Variants in PCNX2 observed in about 807,000 individuals in gnomAD.
PCNX2 encodes the protein pecanex-like protein 2.
Under a neutral mutation model 223.8 loss-of-function variants are expected in PCNX2, and 168 were observed. That is an observed-to-expected ratio of 0.75 (90% CI 0.66 to 0.85). The LOEUF (loss-of-function observed/expected upper bound fraction) is 0.85, where lower values mean the gene tolerates loss of function less well. Ranked by LOEUF, PCNX2 falls within the 40% of genes least tolerant of loss-of-function variation. PCNX2 has a pLI of 0.00. For missense variants in PCNX2, 2,507 were observed against 2,675.5 expected (o/e 0.94, Z 1.39); for synonymous variants, 1,006 against 1,052.6 (o/e 0.96, Z 0.86).
At chr1:233,248,489 G>A (rs1184335640) in intron 8 of PCNX2, among the ~76,000 whole-genome samples, 2 of 151,994 alleles carry the variant, frequency 1.3e-5, no homozygotes, top group Admixed American at 6.6e-5. Context: ...AACGACAGCC[G>A]TCTTTTGACC....
intron 1 of PCNX2, among the ~76,000 whole-genome samples, chr1:233,268,194 G>A (rs949748213): frequency 1.3e-4 from 20 of 152,194 alleles, no homozygotes; most frequent in African/African-American, 4.6e-4. Flanking sequence ...TTACAGGCTT[G>A]AGCCACCGCG....
chr1:233,161,409 A>G (rs1678472749), intron 17 of PCNX2, 46 bp from the exon 18 acceptor site: 1 of 1,512,476 alleles, frequency 6.6e-7, no homozygotes, highest in African/African-American at 1.4e-5. Flanking sequence ...CATTTCTCTC[A>G]GCAACTCTGT....
intron 20 of PCNX2, among the ~76,000 whole-genome samples, chr1:233,137,077 C>G (rs1676848442): frequency 6.6e-6 from 1 of 152,200 alleles, no homozygotes; most frequent in African/African-American, 2.4e-5. Flanking sequence ...TTGTATACAG[C>G]AGGTCCTCAA....
chr1:233,102,493 G>T (rs756880608), intron 21 of PCNX2, among the ~76,000 whole-genome samples: 1 of 152,008 alleles, frequency 6.6e-6, no homozygotes, highest in Non-Finnish European at 1.5e-5. Context: ...TCACTTTCCC[G>T]CCAACAGGGT....
rs1659784232 is a variant in PCNX2, at chr1:233,257,269, GGGAAAGCAAGTGAAAATTT to G, written c.1834+740_1834+758del. On this transcript the variant is annotated intron_variant, in intron 5 of 33. Coordinates refer to ENST00000258229, the MANE Select transcript of PCNX2 (RefSeq NM_014801.4). ...CACCTCCTGAACTTACTAGATACTT[GGGAAAGCAAGTGAAAATTT>G]CTGAGACTCATCCGAAGAACAGGAA... Among the ~76,000 whole-genome samples the G allele has an allele frequency of 6.2e-5, 6 of 96,828 alleles. No homozygotes were observed. The South Asian group carries it at 1.8e-3, about 29-fold the overall frequency. 63.5% of individuals were successfully genotyped at this position (96,828 alleles called of 152,430 possible). A position where few individuals can be genotyped will look rare whatever the true frequency, so the allele number is the denominator to read the frequency against.
intron 25 of PCNX2, among the ~76,000 whole-genome samples, chr1:233,040,769 T>C (rs986219802): frequency 1.3e-5 from 2 of 152,120 alleles, no homozygotes; most frequent in Non-Finnish European, 2.9e-5. Flanking sequence ...CGGTCCAATC[T>C]CTACCCCTGC....
intron 3 of PCNX2, among the ~76,000 whole-genome samples, chr1:233,261,777 C>A (rs759422951): frequency 3.9e-5 from 6 of 152,236 alleles, no homozygotes; most frequent in Non-Finnish European, 8.8e-5. Flanking sequence ...CATATTGGTT[C>A]TCTGCCCAGT....
intron 30 of PCNX2, 35 bp from the exon 31 acceptor site, chr1:232,999,414 AAGGC>A (rs1409981513): frequency 6.4e-7 from 1 of 1,553,268 alleles, no homozygotes; most frequent in Non-Finnish European, 8.7e-7. Context: ...AGAAAGGCAG[AAGGC>A]CTGTGTTTTC....
At chr1:233,074,594 CAAAAA>C (rs531631109) in intron 23 of PCNX2, among the ~76,000 whole-genome samples, 1 of 47,708 alleles carries the variant, frequency 2.1e-5, no homozygotes, top group African/African-American at 5.8e-5. Flanking sequence ...GACTCCGTCT[CAAAAA>C]AAAAAAAAAA....
chr1:232,986,409 C>T lies in PCNX2; in HGVS notation c.5923G>A (p.Glu1975Lys), dbSNP rs373041734. 5.6e-6 allele frequency: 9 copies of T among 1,605,200 alleles called. No individual in the cohort carries two copies. The highest frequency in any genetic ancestry group is 4.0e-5 in the African/African-American group (3 of 74,780). ...TFLQTSTSVH[E>K]LAQRLSGSRL... Reference sequence around the variant, plus strand: ...CTGCCCGAGAGCCTCTGGGCCAGCTCGTGCACTGAGGTGGACGTCTGGAGG... The same window carrying T: ...CTGCCCGAGAGCCTCTGGGCCAGCTTGTGCACTGAGGTGGACGTCTGGAGG... The change falls in exon 33 of 34, where the codon GAG becomes AAG. Residue 1975 changes from glutamate to lysine, a missense_variant. Transcript: ENST00000258229.
chr1:233,200,052 C>A (rs908951183), intron 14 of PCNX2, 102 bp downstream of exon 14: 1 of 957,346 alleles, frequency 1.0e-6, no homozygotes, highest in Non-Finnish European at 1.5e-6. Flanking sequence ...ATGCTCAGGA[C>A]AAAGAAAACC....
intron 23 of PCNX2, among the ~76,000 whole-genome samples, chr1:233,075,328 G>A (rs1439062049): frequency 6.6e-6 from 1 of 152,158 alleles, no homozygotes; most frequent in Non-Finnish European, 1.5e-5. Flanking sequence ...ATCCCAAAAG[G>A]TTAAACAGTG....
chr1:233,115,405 G>A (rs976631553), intron 21 of PCNX2, among the ~76,000 whole-genome samples: 5 of 152,244 alleles, frequency 3.3e-5, no homozygotes, highest in African/African-American at 1.2e-4. Context: ...GAAACCGAAA[G>A]TCAAGATGAG....
the PCNX2 span, among the ~76,000 whole-genome samples, chr1:233,313,621 A>G: frequency 6.6e-6 from 1 of 152,166 alleles, no homozygotes; most frequent in African/African-American, 2.4e-5. Flanking sequence ...GGAAAGAAAG[A>G]AAAAGAAAAA....
At chr1:233,192,594 C>G (rs1014546971) in intron 15 of PCNX2, among the ~76,000 whole-genome samples, 1 of 151,934 alleles carries the variant, frequency 6.6e-6, no homozygotes, top group Non-Finnish European at 1.5e-5. Flanking sequence ...CTTACAGAAG[C>G]TTTCTAAAGC....
At chr1:233,124,167 A>G (rs1675967337) in intron 21 of PCNX2, among the ~76,000 whole-genome samples, 1 of 152,180 alleles carries the variant, frequency 6.6e-6, no homozygotes, top group African/African-American at 2.4e-5. Flanking sequence ...AGCGGCTGGT[A>G]TGTAATCCAG....
intron 17 of PCNX2, among the ~76,000 whole-genome samples, chr1:233,167,047 C>G (rs1678840336): frequency 6.6e-6 from 1 of 152,010 alleles, no homozygotes; most frequent in Non-Finnish European, 1.5e-5. Context: ...AGGCATATAC[C>G]CAAAGGAAAT....
At chr1:233,140,455 G>C (rs1158527711) in intron 19 of PCNX2, among the ~76,000 whole-genome samples, 1 of 152,208 alleles carries the variant, frequency 6.6e-6, no homozygotes, top group Admixed American at 6.5e-5. Flanking sequence ...TTTTAAGTTA[G>C]ACCAACCTGG....
At chr1:233,067,700 T>G (rs1332192225) in intron 23 of PCNX2, among the ~76,000 whole-genome samples, 2 of 152,154 alleles carry the variant, frequency 1.3e-5, no homozygotes, top group Non-Finnish European at 2.9e-5. Flanking sequence ...CTTGAACTCC[T>G]GAGCTCAAGT....
Sources: gnomAD v4.1 joint callset for allele counts (sites outside exome capture counted in the v4.1 genomes callset) on GRCh38, gnomAD v4.1.1 for gene constraint, MANE v1.5 for transcripts, NCBI Gene and HGNC (gene_info 2026-07-23, HGNC 2026-07-21) for gene names.